Variants in SPIDR observed in about 807,000 individuals in gnomAD.
SPIDR encodes the protein DNA repair-scaffolding protein.
SPIDR carries 93 observed loss-of-function variants against 104.6 expected under a neutral mutation model. That is an observed-to-expected ratio of 0.89 (90% CI 0.75 to 1.06). SPIDR has a LOEUF of 1.06. Among genes scored for constraint, SPIDR ranks in the 50% least tolerant of loss-of-function variants. The pLI is 0.00. For synonymous variants in SPIDR, 431 were observed against 416.9 expected, an observed-to-expected ratio of 1.03 and a Z score of -0.41; for missense variants, 1,154 against 1,111.2, an observed-to-expected ratio of 1.04 and a Z score of -0.55.
At chr8:47,549,001 T>C (rs925610966) in intron 8 of SPIDR, among the ~76,000 whole-genome samples, 4 of 152,174 alleles carry the variant, frequency 2.6e-5, no homozygotes, top group Admixed American at 1.3e-4. Flanking sequence ...TTCCCACCTA[T>C]AAGTGAGAAC....
At chr8:47,670,581 A>G (rs943400957) in intron 10 of SPIDR, among the ~76,000 whole-genome samples, 5 of 151,532 alleles carry the variant, frequency 3.3e-5, no homozygotes, top group African/African-American at 1.2e-4. Context: ...TTTTTCCTCT[A>G]GTGATTAGGA....
At chr8:47,462,122 C>T (rs1042091900) in intron 8 of SPIDR, among the ~76,000 whole-genome samples, 2 of 152,126 alleles carry the variant, frequency 1.3e-5, no homozygotes, top group Admixed American at 6.5e-5. Context: ...TGATGTAGTA[C>T]TCTCTGCCTT....
At chr8:47,708,450 G>A (rs766414390) in intron 14 of SPIDR, among the ~76,000 whole-genome samples, 31 of 152,226 alleles carry the variant, frequency 2.0e-4, no homozygotes, top group Non-Finnish European at 3.8e-4. Context: ...TCCCACACAT[G>A]CACAGCCTCC....
At chr8:47,304,984 T>C (rs1177116619) in intron 5 of SPIDR, among the ~76,000 whole-genome samples, 2 of 152,338 alleles carry the variant, frequency 1.3e-5, no homozygotes, top group South Asian at 2.1e-4. Flanking sequence ...CTTTCTGCCA[T>C]GGGAAGGTGT....
At chr8:47,316,148 C>T (rs1419537298) in intron 5 of SPIDR, among the ~76,000 whole-genome samples, 1 of 152,074 alleles carries the variant, frequency 6.6e-6, no homozygotes. Flanking sequence ...AGGATTAGTA[C>T]ACACACTTCA....
At chr8:47,375,233 CTT>C (rs869038432) in intron 5 of SPIDR, among the ~76,000 whole-genome samples, 4 of 53,382 alleles carry the variant, frequency 7.5e-5, no homozygotes, top group African/African-American at 2.6e-4. Context: ...AGTTAATAGG[CTT>C]TTTTTTTTTT....
intron 8 of SPIDR, among the ~76,000 whole-genome samples, chr8:47,591,796 A>G (rs1227012605): frequency 2.0e-5 from 3 of 152,144 alleles, no homozygotes; most frequent in African/African-American, 7.2e-5. Flanking sequence ...AAAATAAAAT[A>G]AAGAAAAACA....
chr8:47,358,178 T>A (rs2054944904), intron 5 of SPIDR, among the ~76,000 whole-genome samples: 1 of 152,208 alleles, frequency 6.6e-6, no homozygotes, highest in Admixed American at 6.5e-5. Context: ...GAACTCCTCC[T>A]GGGCTCAAGG....
chr8:47,513,092 TATTA>T (rs1360120171), intron 8 of SPIDR, among the ~76,000 whole-genome samples: 2 of 152,244 alleles, frequency 1.3e-5, no homozygotes, highest in Non-Finnish European at 2.9e-5. Context: ...CTCTGTAATC[TATTA>T]ACATAATTTG....
intron 5 of SPIDR, among the ~76,000 whole-genome samples, chr8:47,342,973 T>C (rs2051083876): frequency 6.6e-6 from 1 of 152,228 alleles, no homozygotes; most frequent in Non-Finnish European, 1.5e-5. Flanking sequence ...TCCAAGCTCA[T>C]TATCTAGCTG....
chr8:47,447,717 G>T (rs2070944040), intron 8 of SPIDR, among the ~76,000 whole-genome samples: 1 of 152,126 alleles, frequency 6.6e-6, no homozygotes, highest in Non-Finnish European at 1.5e-5. Flanking sequence ...TTCTAGAAAG[G>T]AAGAGTCAGT....
chr8:47,697,175 G>A (rs1198610650), intron 11 of SPIDR, among the ~76,000 whole-genome samples: 1 of 151,794 alleles, frequency 6.6e-6, no homozygotes, highest in Non-Finnish European at 1.5e-5. Flanking sequence ...ACATGTCGGG[G>A]TGGCCTTCCT....
intron 1 of SPIDR, among the ~76,000 whole-genome samples, chr8:47,271,702 A>T (rs1473075108): frequency 6.6e-6 from 1 of 152,220 alleles, no homozygotes; most frequent in South Asian, 2.1e-4. Context: ...TTGTCTAGTG[A>T]GTCCAACTTC....
Position 47,518,401 on chromosome 8 carries a change from A to G in SPIDR, c.1098-77410A>G, listed in dbSNP as rs192664685. On this transcript the variant is annotated intron_variant, in intron 8 of 19. Coordinates refer to ENST00000297423, the MANE Select transcript of SPIDR (RefSeq NM_001080394.4). ...TAATTATCTCTGTTAGAAGTGTACA[A>G]ATGTTTACAGCATTTCCTTTTTGAA... Among the ~76,000 whole-genome samples, 50 of 152,314 alleles carry G rather than the reference A, an allele frequency of 3.3e-4. No homozygotes were observed. In the East Asian group the frequency reaches 4.6e-3, roughly 14 times the overall value.
chr8:47,557,543 T>A (rs1322353977), intron 8 of SPIDR, among the ~76,000 whole-genome samples: 2 of 152,230 alleles, frequency 1.3e-5, no homozygotes, highest in East Asian at 3.8e-4. Context: ...TATGTATTTC[T>A]TATTTTTAAA....
At chr8:47,502,274 G>T (rs543113190) in intron 8 of SPIDR, among the ~76,000 whole-genome samples, 1 of 152,096 alleles carries the variant, frequency 6.6e-6, no homozygotes, top group Non-Finnish European at 1.5e-5. Flanking sequence ...CTGGTCCGGG[G>T]CTTTTTTGGT....
At chr8:47,441,342 G>T (rs1234019642) in intron 8 of SPIDR, among the ~76,000 whole-genome samples, 1 of 151,798 alleles carries the variant, frequency 6.6e-6, no homozygotes, top group Non-Finnish European at 1.5e-5. Context: ...TTGGAAATAT[G>T]ATGTTTATCA....
intron 5 of SPIDR, among the ~76,000 whole-genome samples, chr8:47,334,679 A>C (rs782358567): frequency 2.0e-5 from 3 of 152,196 alleles, no homozygotes; most frequent in Admixed American, 6.5e-5. Flanking sequence ...CTTGTAGACA[A>C]CATGCAGTTG....
intron 16 of SPIDR, among the ~76,000 whole-genome samples, chr8:47,720,021 C>T (rs2083174825): frequency 6.6e-6 from 1 of 152,180 alleles, no homozygotes; most frequent in Non-Finnish European, 1.5e-5. Flanking sequence ...TTCATCCCTC[C>T]CTCCCCACTG....
Sources: gnomAD v4.1 joint callset for allele counts (sites outside exome capture counted in the v4.1 genomes callset) on GRCh38, gnomAD v4.1.1 for gene constraint, MANE v1.5 for transcripts, NCBI Gene and HGNC (gene_info 2026-07-23, HGNC 2026-07-21) for gene names.